Variants in PDE1C observed in about 807,000 individuals in gnomAD.
The protein encoded by PDE1C is phosphodiesterase 1C, also known as dual specificity calcium/calmodulin-dependent 3',5'-cyclic nucleotide phosphodiesterase 1C.
A neutral mutation model predicts 93.1 loss-of-function variants in PDE1C; 62 were observed. The ratio of observed to expected loss-of-function variants is 0.67; its 90% confidence interval spans 0.54 to 0.82. The LOEUF (loss-of-function observed/expected upper bound fraction) is 0.82. PDE1C is among the 40% of genes least tolerant of loss of function. The pLI, the probability that PDE1C is intolerant of heterozygous loss-of-function variation, is 0.00. For synonymous variants in PDE1C, 325 were observed against 310.1 expected (o/e 1.05, Z -0.50); for missense variants, 742 against 884.6 (o/e 0.84, Z 2.04).
intron 2 of PDE1C, among the ~76,000 whole-genome samples, chr7:32,181,308 T>A (rs1228520754): frequency 6.6e-6 from 1 of 152,150 alleles, no homozygotes; most frequent in African/African-American, 2.4e-5. Flanking sequence ...CTAATAGACA[T>A]CTACAGAACT....
At chr7:32,149,838 T>C (rs190293944) in intron 3 of PDE1C, among the ~76,000 whole-genome samples, 52 of 152,326 alleles carry the variant, frequency 3.4e-4, no homozygotes, top group African/African-American at 1.1e-3. Context: ...TTAAGAAAAC[T>C]GTCTTTAAAC....
In PDE1C at chr7:31,950,222, G is replaced by T. The variant is rs189824795; in HGVS notation, c.129-69362C>A. Among the ~76,000 whole-genome samples, 82 of 152,288 alleles carry T rather than the reference G, an allele frequency of 5.4e-4. 2 individuals are homozygous for T. The Middle Eastern group carries it at 0.024, about 44-fold the overall frequency. ...CTTTACGTGGCAGGCACTGTGCTCA[G>T]TGGGCACTGTGTGTAAAGATAAAGA... On this transcript the variant is annotated intron_variant, in intron 2 of 17. Coordinates refer to ENST00000396191, the MANE Select transcript of PDE1C (RefSeq NM_001191057.4).
intron 3 of PDE1C, among the ~76,000 whole-genome samples, chr7:32,163,986 A>T (rs1054061124): frequency 6.6e-6 from 1 of 152,226 alleles, no homozygotes; most frequent in South Asian, 2.1e-4. Context: ...TACTGTTTGC[A>T]TGTGAAAAAT....
chr7:31,804,657 G>A (rs532472149), intron 16 of PDE1C, among the ~76,000 whole-genome samples: 16 of 151,506 alleles, frequency 1.1e-4, no homozygotes, highest in Admixed American at 4.6e-4. Context: ...AAGAACTTTC[G>A]TCTTTTTACT....
chr7:31,681,820 C>T, the PDE1C span, among the ~76,000 whole-genome samples: 3 of 152,138 alleles, frequency 2.0e-5, no homozygotes, highest in Non-Finnish European at 4.4e-5. Flanking sequence ...GTTTTAAGGC[C>T]TGGCAGAGAA....
chr7:32,360,512 T>C (rs1405530651), intron 1 of PDE1C, among the ~76,000 whole-genome samples: 1 of 152,140 alleles, frequency 6.6e-6, no homozygotes. Context: ...CTGCTCTGGT[T>C]CTTGTCCATT....
At chr7:32,158,234 C>T (rs201996580) in intron 3 of PDE1C, among the ~76,000 whole-genome samples, 15 of 152,274 alleles carry the variant, frequency 9.9e-5, no homozygotes, top group East Asian at 5.8e-4. Flanking sequence ...TCATGAGTCA[C>T]GCTCTCAGGC....
Position 32,361,534 on chromosome 7 carries a change from G to T in PDE1C, c.310+66288C>A, listed in dbSNP as rs1784136459. Among the ~76,000 whole-genome samples, 3 of 152,114 alleles carry T rather than the reference G, an allele frequency of 2.0e-5. No homozygotes were observed. The South Asian group carries it at 6.2e-4, about 31-fold the overall frequency. Reference sequence around the variant, plus strand: ...CACCTTCCCACGCCCTGCGCACACTGCCCCTGACCCTCGCACATGCCACGC... The same window carrying T: ...CACCTTCCCACGCCCTGCGCACACTTCCCCTGACCCTCGCACATGCCACGC... On this transcript the variant is annotated intron_variant, in intron 1 of 1. Transcript: ENST00000672256.
At chr7:31,901,353 C>T (rs1239078466) in intron 2 of PDE1C, among the ~76,000 whole-genome samples, 2 of 151,362 alleles carry the variant, frequency 1.3e-5, no homozygotes, top group Non-Finnish European at 3.0e-5. Context: ...GGTTCAATAA[C>T]ATTTAAAAAT....
At chr7:32,214,687 T>G (rs1806295141) in intron 1 of PDE1C, among the ~76,000 whole-genome samples, 1 of 152,186 alleles carries the variant, frequency 6.6e-6, no homozygotes, top group Non-Finnish European at 1.5e-5. Flanking sequence ...GAGGTATATC[T>G]CTGCTTTAAG....
At chr7:32,305,381 A>C in intron 1 of PDE1C, among the ~76,000 whole-genome samples, 1 of 152,232 alleles carries the variant, frequency 6.6e-6, no homozygotes, top group South Asian at 2.1e-4. Flanking sequence ...AGGGAAACTT[A>C]CCTTCTCATT....
chr7:32,029,901 T>A (rs1175617868), intron 2 of PDE1C, among the ~76,000 whole-genome samples: 3 of 152,098 alleles, frequency 2.0e-5, no homozygotes, highest in African/African-American at 7.2e-5. Flanking sequence ...ACATTATTTA[T>A]CACAGTAAAG....
At chr7:31,842,244 A>G (rs545112624) in intron 9 of PDE1C, among the ~76,000 whole-genome samples, 32 of 152,188 alleles carry the variant, frequency 2.1e-4, no homozygotes, top group African/African-American at 6.3e-4. Context: ...TTCATAAAAT[A>G]CATTAGTCTT....
intron 1 of PDE1C, among the ~76,000 whole-genome samples, chr7:32,213,087 A>T (rs6978541): frequency 0.11 from 17,271 of 152,188 alleles, 1,050 homozygotes; most frequent in East Asian, 0.25. Flanking sequence ...GAACTCAAGT[A>T]GACTGAATGC....
At chr7:31,959,541 T>C (rs1376500158) in intron 2 of PDE1C, among the ~76,000 whole-genome samples, 4 of 152,132 alleles carry the variant, frequency 2.6e-5, no homozygotes, top group African/African-American at 4.8e-5. Flanking sequence ...ATGCTAACAA[T>C]AATTATAAAG....
intron 2 of PDE1C, among the ~76,000 whole-genome samples, chr7:31,938,747 T>A (rs1055406813): frequency 2.6e-5 from 4 of 152,176 alleles, no homozygotes; most frequent in Non-Finnish European, 4.4e-5. Context: ...TATTCAATAA[T>A]TCACAAATTT....
At chr7:32,134,659 C>T (rs1468585506) in intron 3 of PDE1C, among the ~76,000 whole-genome samples, 1 of 152,072 alleles carries the variant, frequency 6.6e-6, no homozygotes, top group Non-Finnish European at 1.5e-5. Context: ...AACACAGGAA[C>T]AGAAAACCAA....
chr7:32,015,218 T>C (rs1787724170), intron 2 of PDE1C, among the ~76,000 whole-genome samples: 1 of 151,770 alleles, frequency 6.6e-6, no homozygotes, highest in Non-Finnish European at 1.5e-5. Flanking sequence ...TTACCCAGTC[T>C]CAGGAAGTTC....
intron 7 of PDE1C, 146 bp from the exon 8 acceptor site, chr7:31,850,887 T>C (rs1793244475): frequency 4.7e-6 from 3 of 642,728 alleles, no homozygotes; most frequent in South Asian, 1.7e-5. Flanking sequence ...CAGAAATAAG[T>C]TATTTTCCTG....
Sources: gnomAD v4.1 joint callset for allele counts (sites outside exome capture counted in the v4.1 genomes callset) on GRCh38, gnomAD v4.1.1 for gene constraint, MANE v1.5 for transcripts, NCBI Gene and HGNC (gene_info 2026-07-23, HGNC 2026-07-21) for gene names.